Variants in ZPLD1 observed in about 807,000 individuals in gnomAD.
ZPLD1 encodes the protein zona pellucida-like domain-containing protein 1.
Under a neutral mutation model 47.2 loss-of-function variants are expected in ZPLD1, and 34 were observed. The observed-to-expected ratio is 0.72, with a 90% CI of 0.55 to 0.96. ZPLD1 has a LOEUF of 0.96. Ranked by LOEUF, ZPLD1 falls within the 40% of genes least tolerant of loss-of-function variation. The pLI, the probability that ZPLD1 is intolerant of heterozygous loss-of-function variation, is 0.00. For synonymous variants in ZPLD1, 176 were observed against 186.2 expected (o/e 0.95, Z 0.45); for missense variants, 512 against 505.8 (o/e 1.01, Z -0.12).
chr3:102,434,874 C>T (rs1164662262), upstream of ZPLD1: 1 of 459,658 alleles, frequency 2.2e-6, no homozygotes, highest in Non-Finnish European at 3.9e-6. Context: ...GAGTAAACCA[C>T]AGAATCAGGT....
intron 10 of ZPLD1, among the ~76,000 whole-genome samples, chr3:102,472,883 G>A (rs987791854): frequency 6.6e-6 from 1 of 152,126 alleles, no homozygotes; most frequent in Non-Finnish European, 1.5e-5. Flanking sequence ...TTCTCATGCT[G>A]CTAATAAAGA....
chr3:102,429,881 T>G (rs1706996182), intron 8 of ZPLD1, among the ~76,000 whole-genome samples: 1 of 152,232 alleles, frequency 6.6e-6, no homozygotes, highest in South Asian at 2.1e-4. Flanking sequence ...TAGACTCTGT[T>G]ATAGTCCTAG....
At chr3:102,439,331 A>G (rs1206137544) in intron 3 of ZPLD1, among the ~76,000 whole-genome samples, 4 of 152,248 alleles carry the variant, frequency 2.6e-5, no homozygotes, top group Non-Finnish European at 5.9e-5. Flanking sequence ...TGTTTGGAGC[A>G]TGCTATGAAA....
intron 7 of ZPLD1, among the ~76,000 whole-genome samples, chr3:102,407,981 G>T (rs1197615492): frequency 6.6e-6 from 1 of 151,766 alleles, no homozygotes; most frequent in African/African-American, 2.4e-5. Flanking sequence ...CTGGGACTGG[G>T]ACACATAAAG....
In ZPLD1 at chr3:102,462,361, C is replaced by A. The variant is rs141935668; in HGVS notation, c.663C>A (p.Ala221=). The stretch of plus-strand genomic sequence containing the variant: ...CCAAAGTATTTGCAGCTGTCCAAGC[C>A]ACTAATTTGGATGGCAGGTAATTTC... ...LKTKVFAAVQ[A]TNLDGRWNVL... is the part of the protein sequence containing the mutation. Residue 221 remains alanine, a synonymous_variant, in exon 7 of 12, where the codon GCC becomes GCA. Transcript: ENST00000466937. 1.3e-4 allele frequency: 211 copies of A among 1,608,794 alleles called. 1 individual carries two copies. In the African/African-American group the frequency reaches 2.3e-3, roughly 18 times the overall value.
chr3:102,387,887 C>G (rs1188099324), intron 6 of ZPLD1, among the ~76,000 whole-genome samples: 1 of 108,676 alleles, frequency 9.2e-6, no homozygotes, highest in African/African-American at 3.6e-5. Flanking sequence ...GAGACGGAGT[C>G]TCTCTCTCTG....
Position 102,412,310 on chromosome 3 carries a change from T to C in ZPLD1, c.-156-5750T>C, listed in dbSNP as rs376208996. Reference sequence around the variant, plus strand: ...GTCATACTTGCTTAACAAAAATATGTTTTGGGAGGCATAGGATCTGGAATA... The same window carrying C: ...GTCATACTTGCTTAACAAAAATATGCTTTGGGAGGCATAGGATCTGGAATA... On this transcript the variant is annotated intron_variant, in intron 7 of 17. Transcript: ENST00000491959. Among the ~76,000 whole-genome samples, 9 of 151,782 alleles carry C rather than the reference T, an allele frequency of 5.9e-5. No individual in the cohort carries two copies. In the East Asian group the frequency reaches 1.6e-3, roughly 26 times the overall value.
chr3:102,415,203 C>T (rs1225800698), intron 7 of ZPLD1, among the ~76,000 whole-genome samples: 1 of 151,746 alleles, frequency 6.6e-6, no homozygotes, highest in East Asian at 1.9e-4. Context: ...GACTACAACT[C>T]ATTTTGTAAG....
chr3:102,412,084 G>A (rs1559743696), intron 7 of ZPLD1, among the ~76,000 whole-genome samples: 3 of 151,580 alleles, frequency 2.0e-5, no homozygotes, highest in Non-Finnish European at 4.4e-5. Context: ...TTCTTTCTTG[G>A]GAAACCTCTG....
At chr3:102,395,652 C>A (rs748534702) in intron 7 of ZPLD1, among the ~76,000 whole-genome samples, 1 of 152,082 alleles carries the variant, frequency 6.6e-6, no homozygotes, top group African/African-American at 2.4e-5. Flanking sequence ...TTTTAAGCTA[C>A]GATATTTGGA....
At chr3:102,406,577 T>C (rs748879852) in intron 7 of ZPLD1, among the ~76,000 whole-genome samples, 25 of 152,092 alleles carry the variant, frequency 1.6e-4, no homozygotes, top group Non-Finnish European at 3.4e-4. Context: ...TGATCAAATA[T>C]ATCGATTATG....
exon 8 of ZPLD1, chr3:102,418,171 A>G (rs1367672751): frequency 6.6e-6 from 1 of 152,636 alleles, no homozygotes; most frequent in Non-Finnish European, 1.5e-5. Flanking sequence ...AACCTAGCAC[A>G]TGGAGGACAG....
At position 102,439,238 on chromosome 3, in the gene ZPLD1, T is replaced by C. The variant is rs534674430; in HGVS notation, c.106+645T>C. 1.2e-3 allele frequency among the ~76,000 whole-genome samples: 188 copies of C among 152,364 alleles called. 1 individual carries two copies. The highest frequency in any genetic ancestry group is 2.1e-3 in the Admixed American group (32 of 15,300). ...CATTTACAAAATAAATATTAGGTAA[T>C]TGGAAACAATTTTCCAAGTCTGCCA... On this transcript the variant is annotated intron_variant, in intron 3 of 11. Transcript: ENST00000466937.
chr3:102,411,087 G>A (rs1706743204), intron 7 of ZPLD1, among the ~76,000 whole-genome samples: 1 of 151,742 alleles, frequency 6.6e-6, no homozygotes, highest in African/African-American at 2.4e-5. Flanking sequence ...AATATCCCCA[G>A]CTGTGTTCAT....
chr3:102,387,410 C>G (rs1706435478), intron 6 of ZPLD1, among the ~76,000 whole-genome samples: 1 of 152,188 alleles, frequency 6.6e-6, no homozygotes, highest in Non-Finnish European at 1.5e-5. Flanking sequence ...TTGAGATGCT[C>G]TCCCATTTCT....
chr3:102,410,535 TC>T (rs1706737828), intron 7 of ZPLD1, among the ~76,000 whole-genome samples: 1 of 151,770 alleles, frequency 6.6e-6, no homozygotes, highest in Non-Finnish European at 1.5e-5. Flanking sequence ...TAATATTTAT[TC>T]CACCAAAAAA....
rs1707792883 is a variant in ZPLD1 at position 102,478,501 on chromosome 3, A to T, written c.*883A>T. The T allele has an allele frequency of 6.6e-6, 1 of 152,264 alleles. No individual in the cohort carries two copies. The highest frequency in any genetic ancestry group is 2.4e-5 in the African/African-American group (1 of 41,468). 9.4% of individuals were successfully genotyped at this position (152,264 alleles called of 1,614,324 possible). Reference sequence around the variant, plus strand: ...GAAAAGAGTTCCTAGAAGGGTTTTTAACAATTTAGATTCCCTTTTTCCTAA... The same window carrying T: ...GAAAAGAGTTCCTAGAAGGGTTTTTTACAATTTAGATTCCCTTTTTCCTAA... On this transcript the variant is annotated 3_prime_UTR_variant, in exon 12 of 12. Coordinates refer to ENST00000466937, the MANE Select transcript of ZPLD1 (RefSeq NM_001329788.2).
At position 102,477,475 on chromosome 3, in the gene ZPLD1, G is replaced by T; in HGVS notation, c.1105G>T (p.Ala369Ser). The part of the protein sequence containing the change: ...SPSMPPFQLN[A>S]ITSALISGMV... ...AAGTATGCCTCCCTTCCAGCTGAAC[G>T]CCATCACCAGCGCACTGATATCAGG... The change falls in exon 12 of 12, where the codon GCC becomes TCC. Residue 369 changes from alanine to serine, a missense_variant. Physicochemically the swap from Ala to Ser is moderately conservative, Grantham distance 99 (BLOSUM62 1). Coordinates refer to ENST00000466937, the MANE Select transcript of ZPLD1 (RefSeq NM_001329788.2). 1 of 1,613,132 alleles carries T rather than the reference G, an allele frequency of 6.2e-7. No individual in the cohort carries two copies.
chr3:102,430,916 TTACAC>T (rs535351643), upstream of ZPLD1, among the ~76,000 whole-genome samples: 70 of 152,310 alleles, frequency 4.6e-4, no homozygotes, highest in Middle Eastern at 0.014. Context: ...TTTGTTATGA[TTACAC>T]TTCATGAAAG....
Sources: allele counts gnomAD v4.1 joint callset (sites outside exome capture counted in the v4.1 genomes callset), GRCh38; gene constraint gnomAD v4.1.1; transcripts MANE v1.5; gene names NCBI Gene and HGNC (gene_info 2026-07-23, HGNC 2026-07-21).